Variants in ZNF592 observed in about 807,000 individuals in gnomAD.
ZNF592 encodes the protein spinocerebellar ataxia, autosomal recessive 5.
In ZNF592, 11 loss-of-function variants were observed where a neutral mutation model predicts 80.3. The observed-to-expected ratio is 0.14, with a 90% CI of 0.09 to 0.23. The LOEUF (loss-of-function observed/expected upper bound fraction) is 0.23. Among genes scored for constraint, ZNF592 ranks in the 10% least tolerant of loss-of-function variants. ZNF592 has a pLI of 1.00. For synonymous variants in ZNF592, 646 were observed against 640.3 expected (o/e 1.01, Z -0.13); for missense variants, 1,420 against 1,633.9 (o/e 0.87, Z 2.26).
chr15:84,784,329 G>A lies in ZNF592; in HGVS notation c.1654G>A (p.Val552Ile). Residue 552 changes from valine (V) to isoleucine (I), a missense_variant, in exon 4 of 11, where the codon GTA becomes ATA. Physicochemically the swap from Val to Ile is conservative, Grantham distance 29. Coordinates refer to ENST00000560079, the MANE Select transcript of ZNF592 (RefSeq NM_014630.3). The surrounding 1 kb of genome is among the most constrained non-coding windows in gnomAD (Gnocchi z 5.8). The stretch of plus-strand genomic sequence containing the variant: ...GGTGAAAAAGGCTGCCCCACTGATT[G>A]TAGAGGTCTTCAACAAGGTCCTTCA... ...HQVKKAAPLIVEVFNKVLHSS... is the reference protein window; with the variant it reads ...HQVKKAAPLIIEVFNKVLHSS... The A allele has an allele frequency of 6.2e-7, 1 of 1,614,258 alleles. No individual in the cohort carries two copies. Among genetic ancestry groups the A allele is most frequent in the Non-Finnish European group, 8.5e-7 (1 of 1,180,038 alleles).
At chr15:84,794,804 C>G (rs1052196743) in intron 5 of ZNF592, among the ~76,000 whole-genome samples, 2 of 152,132 alleles carry the variant, frequency 1.3e-5, no homozygotes, top group Admixed American at 6.6e-5. Context: ...GGAGAAATGT[C>G]TGTTCAGATA....
At position 84,799,988 on chromosome 15, in the gene ZNF592, G is replaced by A; in HGVS notation, c.3273+11G>A. Reference sequence around the variant, plus strand: ...GGACATTCCCCTCAGGTGAGTGTGGGCTCCCTGCCTATTGGAGCTGGCTGC... The same window carrying A: ...GGACATTCCCCTCAGGTGAGTGTGGACTCCCTGCCTATTGGAGCTGGCTGC... On this transcript the variant is annotated intron_variant, in intron 10 of 10. Transcript: ENST00000560079. This position sits in a 1 kb window ranked among gnomAD's most constrained non-coding sequence, Gnocchi z 4.2. 1 of 1,614,132 alleles carries A rather than the reference G, an allele frequency of 6.2e-7. No homozygotes were observed. Among genetic ancestry groups the A allele is most frequent in the South Asian group, 1.1e-5 (1 of 91,076 alleles).
At chr15:84,766,149 G>A (rs570208449) in intron 2 of ZNF592, among the ~76,000 whole-genome samples, 1 of 152,080 alleles carries the variant, frequency 6.6e-6, no homozygotes, top group Non-Finnish European at 1.5e-5. Context: ...GAGTAGCTGG[G>A]ACTACAGCAC....
intron 2 of ZNF592, among the ~76,000 whole-genome samples, chr15:84,769,735 A>G (rs1250058523): frequency 1.3e-5 from 2 of 152,144 alleles, no homozygotes; most frequent in African/African-American, 2.4e-5. Context: ...GAGTAGGGAC[A>G]TGATGTGATG....
intron 5 of ZNF592, among the ~76,000 whole-genome samples, chr15:84,791,597 T>C (rs1226676146): frequency 2.0e-5 from 3 of 152,194 alleles, no homozygotes; most frequent in African/African-American, 7.2e-5. Context: ...TGTGTACTTA[T>C]TATTGTCTTC....
At chr15:84,777,790 C>G (rs1041863999) in intron 2 of ZNF592, among the ~76,000 whole-genome samples, 2 of 150,536 alleles carry the variant, frequency 1.3e-5, no homozygotes, top group Admixed American at 1.3e-4. Flanking sequence ...CGCTCCGCCT[C>G]CCGGGTTTAC....
At chr15:84,781,038 A>ATTAT (rs923778639) in intron 3 of ZNF592, among the ~76,000 whole-genome samples, 95 of 151,742 alleles carry the variant, frequency 6.3e-4, no homozygotes, top group South Asian at 1.3e-3. Flanking sequence ...GAGAATTTTT[A>ATTAT]TTATTTATTT....
At chr15:84,782,566 G>T in intron 3 of ZNF592, 91 bp from the exon 4 acceptor site, 1 of 1,197,920 alleles carries the variant, frequency 8.3e-7, no homozygotes, top group Non-Finnish European at 1.2e-6. Flanking sequence ...GGGTGTGCTG[G>T]CTGTGTGTGC....
intron 1 of ZNF592, among the ~76,000 whole-genome samples, chr15:84,750,139 T>TA (rs1196892924): frequency 6.6e-6 from 1 of 152,060 alleles, no homozygotes; most frequent in Admixed American, 6.6e-5. Context: ...CCGTCTCCAC[T>TA]AAAAAAATAC....
intron 1 of ZNF592, among the ~76,000 whole-genome samples, chr15:84,749,130 G>A (rs111345094): frequency 2.0e-5 from 3 of 152,334 alleles, no homozygotes; most frequent in African/African-American, 4.8e-5. Flanking sequence ...ACCCTCTTTG[G>A]CGCTCCTCAG....
At chr15:84,777,980 G>C (rs1225707369) in intron 2 of ZNF592, among the ~76,000 whole-genome samples, 1 of 152,108 alleles carries the variant, frequency 6.6e-6, no homozygotes, top group Non-Finnish European at 1.5e-5. Context: ...TTACAGGCGT[G>C]AGCCACCGTG....
chr15:84,788,549 A>C (rs1004094645), intron 4 of ZNF592, among the ~76,000 whole-genome samples: 1 of 152,124 alleles, frequency 6.6e-6, no homozygotes, highest in African/African-American at 2.4e-5. Context: ...TCCCTCTTCT[A>C]TTTTTTAAAA....
At chr15:84,776,132 TGAGCTTACCA>T (rs1962246280) in intron 2 of ZNF592, among the ~76,000 whole-genome samples, 1 of 152,226 alleles carries the variant, frequency 6.6e-6, no homozygotes, top group African/African-American at 2.4e-5. Flanking sequence ...GATCACTCAG[TGAGCTTACCA>T]GGTCTGGATC....
chr15:84,782,569 G>C, intron 3 of ZNF592, 88 bp from the exon 4 acceptor site: 2 of 1,225,470 alleles, frequency 1.6e-6, no homozygotes, highest in Non-Finnish European at 2.4e-6. Context: ...TGTGCTGGCT[G>C]TGTGTGCATT....
chr15:84,784,275 A>G lies in ZNF592; in HGVS notation c.1600A>G (p.Thr534Ala). 6.2e-7 allele frequency: 1 copy of G among 1,614,248 alleles called. No individual in the cohort carries two copies. The highest frequency in any genetic ancestry group is 8.5e-7 in the Non-Finnish European group (1 of 1,180,048). ...SVQRRSQPQL[T>A]QMSVPLVHQV... ...GCAAAGACGGAGCCAGCCACAGCTTACACAAATGTCGGTGCCCCTGGTCCA... is the reference window on the plus strand; with the variant it reads ...GCAAAGACGGAGCCAGCCACAGCTTGCACAAATGTCGGTGCCCCTGGTCCA... The change falls in exon 4 of 11, where the codon ACA becomes GCA. Residue 534 changes from threonine (T) to alanine (A), a missense_variant. This residue lies in a region of ZNF592 where 524 missense variants were observed against 628.3 expected (regional missense o/e 0.83). Coordinates refer to ENST00000560079, the MANE Select transcript of ZNF592 (RefSeq NM_014630.3). This position sits in a 1 kb window ranked among gnomAD's most constrained non-coding sequence, Gnocchi z 5.8.
In ZNF592 at chr15:84,790,903, C is replaced by T; in HGVS notation, c.2399+20C>T. 1.2e-6 allele frequency: 2 copies of T among 1,614,138 alleles called. No individual in the cohort carries two copies. The highest frequency in any genetic ancestry group is 8.5e-7 in the Non-Finnish European group (1 of 1,180,004). On this transcript the variant is annotated intron_variant, in intron 5 of 10. Coordinates refer to ENST00000560079, the MANE Select transcript of ZNF592 (RefSeq NM_014630.3). ...CTACAGGTGGGTGCTGCCTGGCTTG[C>T]TGTCCTGGTATTGCCCAATGGCTGG... is the stretch of plus-strand genomic sequence containing the variant.
chr15:84,790,820 C>T lies in ZNF592; in HGVS notation c.2336C>T (p.Ser779Phe). ...CCGGAGTGTGGGGTCCTCTGCCGCT[C>T]TGCCTACTTCCAGACCCATGTAAAG... ...CCPECGVLCR[S>F]AYFQTHVKEN... The change falls in exon 5 of 11, where the codon TCT becomes TTT. Residue 779 changes from serine to phenylalanine, a missense_variant. Ser to Phe is a radical substitution (Grantham distance 155, BLOSUM62 -2). Coordinates refer to ENST00000560079, the MANE Select transcript of ZNF592 (RefSeq NM_014630.3). 6.2e-7 allele frequency: 1 copy of T among 1,614,274 alleles called. No individual in the cohort carries two copies. Among genetic ancestry groups the T allele is most frequent in the Admixed American group, 1.7e-5 (1 of 60,034 alleles).
intron 2 of ZNF592, among the ~76,000 whole-genome samples, chr15:84,766,003 CTT>C (rs527253414): frequency 2.1e-5 from 3 of 143,910 alleles, no homozygotes; most frequent in Non-Finnish European, 3.0e-5. Context: ...ATTCATGGTC[CTT>C]TTTTTTTTTT....
At position 84,799,706 on chromosome 15, in the gene ZNF592, G is replaced by A; in HGVS notation, c.3138-136G>A. 7.4e-7 allele frequency: 1 copy of A among 1,359,130 alleles called. No individual in the cohort carries two copies. The highest frequency in any genetic ancestry group is 1.0e-6 in the Non-Finnish European group (1 of 966,416). The allele number at this position is 1,359,130 out of a possible 1,614,324, so 84.2% of individuals were successfully genotyped here. On this transcript the variant is annotated intron_variant, in intron 9 of 10. Transcript: ENST00000560079. This position sits in a 1 kb window ranked among gnomAD's most constrained non-coding sequence, Gnocchi z 4.2. Reference sequence around the variant, plus strand: ...GCTACCTTGGCTGGCCTGCTGGCTGGATCTCTCTGGGGTTCCCAGCACTAG... The same window carrying A: ...GCTACCTTGGCTGGCCTGCTGGCTGAATCTCTCTGGGGTTCCCAGCACTAG...
Sources: gnomAD v4.1 joint callset for allele counts (sites outside exome capture counted in the v4.1 genomes callset) on GRCh38, gnomAD v4.1.1 for gene constraint, gnomAD v4.1.1 regional missense constraint, Gnocchi (gnomAD v3.1) non-coding constraint, MANE v1.5 for transcripts, NCBI Gene and HGNC (gene_info 2026-07-23, HGNC 2026-07-21) for gene names.